The following GALNT13 variants were observed in gnomAD, a reference collection of about 807,000 sequenced individuals.
GALNT13 encodes the protein UDP-GalNAc:polypeptide N-acetylgalactosaminyltransferase 13.
A neutral mutation model predicts 64.2 loss-of-function variants in GALNT13; 28 were observed. The observed-to-expected ratio is 0.44, with a 90% CI of 0.32 to 0.60. The LOEUF is 0.60. Among genes scored for constraint, GALNT13 ranks in the 20% least tolerant of loss-of-function variants. The pLI is 0.05. For synonymous variants in GALNT13, 214 were observed against 224.6 expected (o/e 0.95, Z 0.42); for missense variants, 577 against 669.8 (o/e 0.86, Z 1.53).
At chr2:154,056,864 T>C (rs1699918423) in intron 3 of GALNT13, among the ~76,000 whole-genome samples, 1 of 151,854 alleles carries the variant, frequency 6.6e-6, no homozygotes, top group Admixed American at 6.6e-5. Context: ...TTAGAAAAAT[T>C]GAAGAATAAT....
intron 2 of GALNT13, among the ~76,000 whole-genome samples, chr2:153,933,991 G>A (rs1327542876): frequency 6.6e-6 from 1 of 152,008 alleles, no homozygotes; most frequent in African/African-American, 2.4e-5. Flanking sequence ...TCCATTTGTA[G>A]GTCACCTGCC....
At chr2:154,203,766 C>T (rs1174141601) in intron 4 of GALNT13, among the ~76,000 whole-genome samples, 1 of 152,146 alleles carries the variant, frequency 6.6e-6, no homozygotes, top group Non-Finnish European at 1.5e-5. Flanking sequence ...TCATCCAGCT[C>T]TATAATGTAG....
the GALNT13 span, among the ~76,000 whole-genome samples, chr2:153,170,309 TG>T: frequency 3.3e-5 from 5 of 152,164 alleles, no homozygotes; most frequent in African/African-American, 7.2e-5. Flanking sequence ...TTAAGCTAAT[TG>T]TTTTTTTTAA....
rs543977650 is a variant in GALNT13, at chr2:154,158,635, G to T, written c.311+18130G>T. 9.2e-5 allele frequency among the ~76,000 whole-genome samples: 14 copies of T among 152,242 alleles called. No homozygotes were observed. In the East Asian group the frequency reaches 2.5e-3, roughly 27 times the overall value. On this transcript the variant is annotated intron_variant, in intron 4 of 12. Coordinates refer to ENST00000392825, the MANE Select transcript of GALNT13 (RefSeq NM_052917.4). ...TTATTTCTCTCACTGCAAGGTACAG[G>T]TGAACCATACCAAGAACAATTCTAC...
the GALNT13 span, among the ~76,000 whole-genome samples, chr2:153,725,914 T>C: frequency 6.6e-6 from 1 of 152,194 alleles, no homozygotes; most frequent in Non-Finnish European, 1.5e-5. Context: ...TTAATTAGTA[T>C]AATAATTTTT....
the GALNT13 span, among the ~76,000 whole-genome samples, chr2:153,533,235 A>T: frequency 1.3e-5 from 2 of 151,876 alleles, no homozygotes; most frequent in African/African-American, 2.4e-5. Flanking sequence ...GTGGAGAGGC[A>T]TTTATTTATT....
the GALNT13 span, among the ~76,000 whole-genome samples, chr2:153,153,261 T>C: frequency 1.3e-5 from 2 of 152,152 alleles, no homozygotes; most frequent in East Asian, 3.9e-4. Context: ...GTTTTGTTCC[T>C]GTAAATTTGT....
chr2:154,168,047 G>A (rs867634916), intron 4 of GALNT13, among the ~76,000 whole-genome samples: 3 of 152,164 alleles, frequency 2.0e-5, no homozygotes, highest in Non-Finnish European at 4.4e-5. Flanking sequence ...TTTGCCCTTC[G>A]GATCTGGAGT....
intron 3 of GALNT13, among the ~76,000 whole-genome samples, chr2:153,987,028 A>G (rs140347027): frequency 3.4e-4 from 51 of 152,074 alleles, no homozygotes; most frequent in African/African-American, 1.2e-3. Flanking sequence ...AGGGTATCAC[A>G]GTAGTCCAAA....
intron 11 of GALNT13, among the ~76,000 whole-genome samples, chr2:154,423,602 G>A (rs1042660205): frequency 1.3e-5 from 2 of 152,116 alleles, no homozygotes; most frequent in South Asian, 4.1e-4. Flanking sequence ...GAATCTTAAT[G>A]TGGTGTTACT....
At chr2:153,692,540 A>G in the GALNT13 span, among the ~76,000 whole-genome samples, 1 of 152,116 alleles carries the variant, frequency 6.6e-6, no homozygotes, top group Non-Finnish European at 1.5e-5. Context: ...CTATTTCCAG[A>G]TATTGTTTCT....
chr2:153,296,158 C>G, the GALNT13 span, among the ~76,000 whole-genome samples: 1 of 152,050 alleles, frequency 6.6e-6, no homozygotes, highest in Non-Finnish European at 1.5e-5. Flanking sequence ...CTGTGATAAT[C>G]CTGATCAGCA....
At chr2:153,810,229 C>T in the GALNT13 span, among the ~76,000 whole-genome samples, 3 of 152,136 alleles carry the variant, frequency 2.0e-5, no homozygotes, top group Non-Finnish European at 4.4e-5. Context: ...TCCCAAAGTT[C>T]TGGGATTACA....
chr2:153,170,576 A>T, the GALNT13 span, among the ~76,000 whole-genome samples: 1 of 152,238 alleles, frequency 6.6e-6, no homozygotes, highest in African/African-American at 2.4e-5. Flanking sequence ...AGTGTCACAC[A>T]GAAGAAAAAA....
chr2:153,089,806 C>T, the GALNT13 span, among the ~76,000 whole-genome samples: 1 of 151,744 alleles, frequency 6.6e-6, no homozygotes, highest in Admixed American at 6.6e-5. Context: ...CTTTGTGATA[C>T]CTATTTCTCT....
At chr2:153,458,750 TA>T in the GALNT13 span, among the ~76,000 whole-genome samples, 5 of 152,208 alleles carry the variant, frequency 3.3e-5, no homozygotes, top group African/African-American at 7.2e-5. Flanking sequence ...ATGAGTGAAT[TA>T]TTTTTTTGTT....
chr2:153,302,399 TTTTG>T, the GALNT13 span, among the ~76,000 whole-genome samples: 8 of 152,174 alleles, frequency 5.3e-5, no homozygotes, highest in South Asian at 1.7e-3. Flanking sequence ...TAAATCAGGG[TTTTG>T]TTTTTGTTTT....
the GALNT13 span, among the ~76,000 whole-genome samples, chr2:153,486,825 A>G: frequency 1.3e-5 from 2 of 152,178 alleles, no homozygotes; most frequent in Non-Finnish European, 2.9e-5. Context: ...TGTACTCTTT[A>G]AAGTCTGCAT....
At chr2:153,467,331 G>C in the GALNT13 span, among the ~76,000 whole-genome samples, 1 of 151,948 alleles carries the variant, frequency 6.6e-6, no homozygotes, top group Non-Finnish European at 1.5e-5. Flanking sequence ...CTACCAAAAT[G>C]ATCAATTTTT....
Sources: gnomAD v4.1 joint callset for allele counts (sites outside exome capture counted in the v4.1 genomes callset) on GRCh38, gnomAD v4.1.1 for gene constraint, MANE v1.5 for transcripts, NCBI Gene and HGNC (gene_info 2026-07-23, HGNC 2026-07-21) for gene names.